Variants in MRNIP observed in about 807,000 individuals in gnomAD.
MRNIP encodes MRN complex interacting protein.
Under a neutral mutation model 29.8 loss-of-function variants are expected in MRNIP, and 30 were observed. The ratio of observed to expected loss-of-function variants is 1.01; its 90% CI spans 0.75 to 1.36. MRNIP has a LOEUF of 1.36. Ranked by LOEUF, MRNIP falls within the 40% of genes most tolerant of loss-of-function variation. MRNIP has a pLI of 0.00. For synonymous variants in MRNIP, 201 were observed against 164.1 expected (o/e 1.23, Z -1.72); for missense variants, 459 against 423.5 (o/e 1.08, Z -0.74).
intron 6 of MRNIP, chr5:179,838,199 G>C: frequency 2.4e-6 from 1 of 423,152 alleles, no homozygotes; most frequent in South Asian, 2.9e-5. Context: ...ATTTTGAGCA[G>C]AAGGGCCTCG....
intron 1 of MRNIP, among the ~76,000 whole-genome samples, chr5:179,855,494 T>C (rs993655814): frequency 2.0e-5 from 3 of 152,200 alleles, no homozygotes; most frequent in African/African-American, 4.8e-5. Flanking sequence ...TAAAACCAGA[T>C]AGTCTAATAC....
In MRNIP at chr5:179,843,207, C is replaced by T. The variant is rs1422517157; in HGVS notation, c.291+945G>A. Among the ~76,000 whole-genome samples, 8 of 152,086 alleles carry T rather than the reference C, an allele frequency of 5.3e-5. No individual in the cohort carries two copies. The East Asian group carries it at 1.4e-3, about 26-fold the overall frequency. On this transcript the variant is annotated intron_variant, in intron 4 of 6. Transcript: ENST00000292586. ...TTTGAGACGTTGGGGCTCCAGTGAG[C>T]AGCGATCATGCCTCCACACTCCAGC...
chr5:179,838,217 G>C (rs886136178), intron 6 of MRNIP: 44 of 360,584 alleles, frequency 1.2e-4, no homozygotes, highest in Non-Finnish European at 2.1e-4. Context: ...TCGAGACATC[G>C]GGAAAGGGGT....
At chr5:179,853,969 C>T (rs1759481890) in intron 1 of MRNIP, among the ~76,000 whole-genome samples, 1 of 151,844 alleles carries the variant, frequency 6.6e-6, no homozygotes, top group Non-Finnish European at 1.5e-5. Context: ...GCCTTGGCCT[C>T]CCACAGTGCT....
chr5:179,838,251 C>T (rs1239837057), intron 6 of MRNIP: 2 of 286,758 alleles, frequency 7.0e-6, no homozygotes, highest in East Asian at 1.6e-4. Flanking sequence ...TCTGCTACCT[C>T]CCACCGGGGG....
chr5:179,842,218 C>T lies in MRNIP; in HGVS notation c.292-154G>A, dbSNP rs71613420. Among the ~76,000 whole-genome samples, 3 of 152,214 alleles carry T rather than the reference C, an allele frequency of 2.0e-5. No individual in the cohort carries two copies. In the East Asian group the frequency reaches 5.8e-4, roughly 29 times the overall value. Reference sequence around the variant, plus strand: ...GGCTGGAAGGTGATGGACGCCAATACTATGCAATGCTGGCAGGACAGTGCT... The same window carrying T: ...GGCTGGAAGGTGATGGACGCCAATATTATGCAATGCTGGCAGGACAGTGCT... On this transcript the variant is annotated intron_variant, in intron 4 of 6. Transcript: ENST00000292586.
At chr5:179,844,377 G>T in intron 3 of MRNIP, 150 bp from the exon 4 acceptor site, 1 of 614,328 alleles carries the variant, frequency 1.6e-6, no homozygotes. Flanking sequence ...ACACGGTGGT[G>T]CATACCTATA....
intron 4 of MRNIP, 70 bp from the exon 5 acceptor site, chr5:179,842,134 C>G (rs1758907471): frequency 6.7e-7 from 1 of 1,481,798 alleles, no homozygotes; most frequent in African/African-American, 1.4e-5. Flanking sequence ...ACCCCTAGCC[C>G]AACTCTTGGG....
chr5:179,837,423 TA>T lies in MRNIP; in HGVS notation c.999del (p.Phe333LeufsTer2), dbSNP rs1561611504. On this transcript the variant is annotated frameshift_variant, in exon 7 of 7. Coordinates refer to ENST00000292586, the MANE Select transcript of MRNIP (RefSeq NM_016175.4). LOFTEE classifies it high-confidence loss of function. The part of the protein sequence containing the change: ...NPRPTRLCDL[F>X]ITGEDFDDDV Reference sequence around the variant, plus strand: ...TCATCATCGAAGTCTTCCCCAGTTATAAAGAGGTCACATAGTCGTGTGGGTC... The same window carrying T: ...TCATCATCGAAGTCTTCCCCAGTTATAAGAGGTCACATAGTCGTGTGGGTC... 6.2e-7 allele frequency: 1 copy of T among 1,603,816 alleles called. No homozygotes were observed. The highest frequency in any genetic ancestry group is 1.7e-5 in the Admixed American group (1 of 58,722).
chr5:179,844,496 T>C (rs1186930942), intron 3 of MRNIP, among the ~76,000 whole-genome samples: 4 of 152,286 alleles, frequency 2.6e-5, no homozygotes, highest in Admixed American at 1.3e-4. Flanking sequence ...TGGAGATAAG[T>C]TGCAGCTTCA....
chr5:179,841,069 C>T (rs1758864436), intron 5 of MRNIP, 110 bp from the exon 6 acceptor site: 7 of 709,368 alleles, frequency 9.9e-6, no homozygotes, highest in South Asian at 3.5e-5. Flanking sequence ...CTTGTTCCTA[C>T]GGCTTCCCAG....
chr5:179,842,837 AGCCTAGGCAACATGGT>A (rs1288905433), intron 4 of MRNIP, among the ~76,000 whole-genome samples: 1 of 150,672 alleles, frequency 6.6e-6, no homozygotes, highest in African/African-American at 2.5e-5. Flanking sequence ...GTTCAAGACT[AGCCTAGGCAACATGGT>A]GAAACCCCGT....
intron 3 of MRNIP, 28 bp downstream of exon 3, chr5:179,847,948 GAC>G (rs753109086): frequency 2.0e-4 from 302 of 1,480,636 alleles, no homozygotes; most frequent in Non-Finnish European, 2.7e-4. Flanking sequence ...AACAGGGCAA[GAC>G]AACCACGCTC....
chr5:179,857,528 A>C lies in MRNIP; in HGVS notation c.66+1203T>G, dbSNP rs540094444. Among the ~76,000 whole-genome samples, 4 of 152,312 alleles carry C rather than the reference A, an allele frequency of 2.6e-5. No individual in the cohort carries two copies. The South Asian group carries it at 8.3e-4, about 32-fold the overall frequency. Reference sequence around the variant, plus strand: ...TTGTTTTTAAAAAACAGCATGAAACATTAGACGTGGAATAATTTAAAAATG... The same window carrying C: ...TTGTTTTTAAAAAACAGCATGAAACCTTAGACGTGGAATAATTTAAAAATG... On this transcript the variant is annotated intron_variant, in intron 1 of 6. Transcript: ENST00000292586.
intron 6 of MRNIP, 48 bp downstream of exon 6, chr5:179,840,824 A>T (rs778409158): frequency 1.6e-6 from 2 of 1,263,748 alleles, no homozygotes; most frequent in South Asian, 2.5e-5. Flanking sequence ...ATTATCACAC[A>T]CACGCTCAGT....
At chr5:179,845,399 T>C (rs1257174719) in intron 3 of MRNIP, among the ~76,000 whole-genome samples, 1 of 152,158 alleles carries the variant, frequency 6.6e-6, no homozygotes, top group East Asian at 1.9e-4. Context: ...TCTGCCTGCC[T>C]TGGCCTCCCA....
At chr5:179,854,872 C>T (rs1484454282) in intron 1 of MRNIP, among the ~76,000 whole-genome samples, 15 of 152,104 alleles carry the variant, frequency 9.9e-5, no homozygotes, top group African/African-American at 3.6e-4. Context: ...ATATAAAATG[C>T]CTAAAACCCA....
rs1426099934 is a variant in MRNIP at position 179,840,919 on chromosome 5, C to T, written c.490G>A (p.Gly164Ser). 7 of 1,609,864 alleles carry T rather than the reference C, an allele frequency of 4.3e-6. No individual in the cohort carries two copies. Among genetic ancestry groups the T allele is most frequent in the Non-Finnish European group, 5.1e-6 (6 of 1,177,626 alleles). ...RSTVQPPCSR[G>S]VQDSGGSEVA... ...TCAGAGCCACCCGAGTCCTGCACGC[C>T]ACGGCTGCACGGAGGCTGGACGGTG... The change falls in exon 6 of 7, where the codon GGC becomes AGC. Residue 164 changes from glycine to serine, a missense_variant. Gly to Ser is a moderately conservative substitution (Grantham distance 56). Transcript: ENST00000292586.
intron 6 of MRNIP, chr5:179,838,230 G>A (rs1037306000): frequency 7.7e-5 from 25 of 323,368 alleles, no homozygotes; most frequent in African/African-American, 4.4e-4. Flanking sequence ...AAAGGGGTGC[G>A]CTGGCTCCAT....
Sources: gnomAD v4.1 joint callset for allele counts (sites outside exome capture counted in the v4.1 genomes callset) on GRCh38, gnomAD v4.1.1 for gene constraint, MANE v1.5 for transcripts, NCBI Gene and HGNC (gene_info 2026-07-23, HGNC 2026-07-21) for gene names.